DAP3: variants seen among roughly 807,000 people sequenced by gnomAD.
DAP3 encodes small ribosomal subunit protein mS29.
Under a neutral mutation model 51.9 loss-of-function variants are expected in DAP3, and 28 were observed. The observed-to-expected ratio is 0.54, with a 90% CI of 0.40 to 0.74. DAP3 has a LOEUF of 0.74. Ranked by LOEUF, DAP3 falls within the 30% of genes least tolerant of loss-of-function variation. The probability of loss-of-function intolerance (pLI) is 0.00; values close to 1 mark genes in which losing one functional copy is unlikely to be tolerated. For synonymous variants in DAP3, 170 were observed against 170.3 expected (o/e 1.00, Z 0.01); for missense variants, 458 against 483.5 (o/e 0.95, Z 0.49).
At chr1:155,709,390 C>T (rs1340185082) in intron 1 of DAP3, among the ~76,000 whole-genome samples, 5 of 152,166 alleles carry the variant, frequency 3.3e-5, no homozygotes, top group Non-Finnish European at 5.9e-5. Context: ...AAGCAATCCA[C>T]CCACCTCAGC....
rs12754819 is a variant in DAP3 at position 155,725,505 on chromosome 1, C to T, written c.379+15C>T. 2.1e-3 allele frequency: 3,286 copies of T among 1,599,326 alleles called. 8 individuals are homozygous for T. The highest frequency in any genetic ancestry group is 2.3e-3 in the Non-Finnish European group (2,714 of 1,166,594). On this transcript the variant is annotated intron_variant, in intron 5 of 12. Coordinates refer to ENST00000368336, the MANE Select transcript of DAP3 (RefSeq NM_004632.4). ...ATATCTTCTGTGTATCCTTTCCTGC[C>T]TGCGTGGACCCTCATGAACCAATGC... is the stretch of plus-strand genomic sequence containing the variant.
intron 5 of DAP3, 112 bp downstream of exon 5, chr1:155,725,602 C>T (rs1303240797): frequency 4.9e-6 from 5 of 1,014,318 alleles, no homozygotes; most frequent in Non-Finnish European, 7.5e-6. Flanking sequence ...GTAGCTCACA[C>T]CTATAATCCC....
Position 155,731,382 on chromosome 1 carries a change from T to G in DAP3, c.870T>G (p.Val290=), listed in dbSNP as rs1223209483. ...TTGCCCCCGAGGAATTAGCACTTGT[T>G]CACAACTTGAGGAAAATGATGAAAA... is the stretch of plus-strand genomic sequence containing the variant. ...SPIAPEELAL[V]HNLRKMMKND... is the part of the protein sequence containing the mutation. Residue 290 remains valine (V), a synonymous_variant, in exon 10 of 13, where the codon GTT becomes GTG. Coordinates refer to ENST00000368336, the MANE Select transcript of DAP3 (RefSeq NM_004632.4). 6.2e-7 allele frequency: 1 copy of G among 1,614,130 alleles called. No individual in the cohort carries two copies. Among genetic ancestry groups the G allele is most frequent in the Admixed American group, 1.7e-5 (1 of 60,004 alleles).
chr1:155,689,788 T>C (rs1558327065), intron 1 of DAP3, among the ~76,000 whole-genome samples: 1 of 152,108 alleles, frequency 6.6e-6, no homozygotes, highest in Non-Finnish European at 1.5e-5. Flanking sequence ...GGCGGGCGCC[T>C]GTAGCCCCAG....
chr1:155,730,037 C>CAT (rs573739649), intron 9 of DAP3, among the ~76,000 whole-genome samples: 64 of 149,008 alleles, frequency 4.3e-4, no homozygotes, highest in African/African-American at 1.2e-3. Flanking sequence ...CCGAGATCGC[C>CAT]ATATATATAT....
chr1:155,706,520 C>A (rs1206898170), intron 1 of DAP3, among the ~76,000 whole-genome samples: 1 of 151,896 alleles, frequency 6.6e-6, no homozygotes, highest in African/African-American at 2.4e-5. Flanking sequence ...GCCTGTAATC[C>A]CTTTGGGAGG....
rs1031954886 is a variant in DAP3, at chr1:155,691,953, CT to C, written c.-8+2780del. Among the ~76,000 whole-genome samples the C allele has an allele frequency of 3.5e-5, 5 of 141,446 alleles. 1 individual carries two copies. Among genetic ancestry groups the C allele is most frequent in the African/African-American group, 6.4e-5 (2 of 31,028 alleles). 92.8% of individuals were successfully genotyped at this position (141,446 alleles called of 152,430 possible). A position where few individuals can be genotyped will look rare whatever the true frequency, so the allele number is the denominator to read the frequency against. On this transcript the variant is annotated intron_variant, in intron 1 of 12. Transcript: ENST00000368336. Reference sequence around the variant, plus strand: ...CAGGGGGCCAGTTGCAAAATGGAGGCTGCAAAAGGCCCAGAGTTCTGATCTC... The same window carrying C: ...CAGGGGGCCAGTTGCAAAATGGAGGCGCAAAAGGCCCAGAGTTCTGATCTC...
chr1:155,689,126 G>A lies in DAP3; in HGVS notation c.-56G>A, dbSNP rs967629512. ...GACGGGCGCTTTGGAGCCGGCCCCA[G>A]GCAGCGTGTGTCGGTCGCCTAGTCT... On this transcript the variant is annotated 5_prime_UTR_variant, in exon 1 of 13. Transcript: ENST00000368336. The A allele has an allele frequency of 9.7e-6, 10 of 1,029,894 alleles. No homozygotes were observed. Among genetic ancestry groups the A allele is most frequent in the African/African-American group, 7.9e-5 (5 of 62,908 alleles). The allele number at this position is 1,029,894 out of a possible 1,614,324, so 63.8% of individuals were successfully genotyped here.
chr1:155,718,707 GATAGAT>G (rs1657628306), intron 3 of DAP3, among the ~76,000 whole-genome samples: 6 of 79,102 alleles, frequency 7.6e-5, no homozygotes, highest in Admixed American at 6.3e-4. Context: ...AAGAAAGAAA[GATAGAT>G]AGATAGATAG....
upstream of DAP3, chr1:155,688,928 A>C (rs1264843486): frequency 1.2e-6 from 2 of 1,612,206 alleles, no homozygotes; most frequent in Admixed American, 3.3e-5. Flanking sequence ...ATGACAACCT[A>C]CCTCCCTGGG....
chr1:155,736,825 G>A, intron 11 of DAP3, 121 bp from the exon 12 acceptor site: 1 of 826,740 alleles, frequency 1.2e-6, no homozygotes, highest in Non-Finnish European at 2.1e-6. Context: ...GCCAGAGAAT[G>A]AGAAGTAGAG....
At chr1:155,707,122 A>T (rs1656088949) in intron 1 of DAP3, among the ~76,000 whole-genome samples, 1 of 129,078 alleles carries the variant, frequency 7.7e-6, no homozygotes. Flanking sequence ...AACAAAAAAA[A>T]TTTATAATAG....
intron 3 of DAP3, 118 bp downstream of exon 3, chr1:155,717,246 AGTGC>A: frequency 6.8e-7 from 1 of 1,468,790 alleles, no homozygotes. Flanking sequence ...TTACTCAGAT[AGTGC>A]ACCTGAGATA....
chr1:155,721,578 CTG>C lies in DAP3; in HGVS notation c.232_233del (p.Val78IlefsTer18). The C allele has an allele frequency of 6.2e-7, 1 of 1,614,096 alleles. No homozygotes were observed. The highest frequency in any genetic ancestry group is 8.5e-7 in the Non-Finnish European group (1 of 1,180,026). On this transcript the variant is annotated frameshift_variant, in exon 4 of 13. Transcript: ENST00000368336. LOFTEE classifies it high-confidence loss of function. ...AACATCTCCCCCCAGGATTTGGAGA[CTG>C]TATTTCCCCATGGCCTTCCTCCTCG... is the stretch of plus-strand genomic sequence containing the variant.
chr1:155,709,893 G>T, intron 2 of DAP3, 69 bp downstream of exon 2: 1 of 1,473,178 alleles, frequency 6.8e-7, no homozygotes, highest in Non-Finnish European at 9.4e-7. Context: ...GTTTTCAGAT[G>T]GATTCATTGT....
rs796684968 is a variant in DAP3 at position 155,692,995 on chromosome 1, A to G, written c.-8+3821A>G. 1.3e-4 allele frequency among the ~76,000 whole-genome samples: 19 copies of G among 141,818 alleles called. 5 individuals carry two copies. The highest frequency in any genetic ancestry group is 6.1e-4 in the African/African-American group (19 of 31,314). 93.0% of individuals were successfully genotyped at this position (141,818 alleles called of 152,430 possible). ...AGCCACAACAGTAGCTGTGACTGCA[A>G]TAAGGCCCATAATGACTGCTATAAG... On this transcript the variant is annotated intron_variant, in intron 1 of 12. Transcript: ENST00000368336.
At chr1:155,707,437 C>T (rs1345830856) in intron 1 of DAP3, among the ~76,000 whole-genome samples, 1 of 151,642 alleles carries the variant, frequency 6.6e-6, no homozygotes. Context: ...AATTTATAGC[C>T]AAAATGAACT....
upstream of DAP3, chr1:155,688,498 G>A: frequency 6.5e-7 from 1 of 1,548,756 alleles, no homozygotes; most frequent in Non-Finnish European, 8.7e-7. Flanking sequence ...GCGTACGAGT[G>A]TCTACGGGCT....
chr1:155,689,994 G>T (rs1466929032), intron 1 of DAP3, among the ~76,000 whole-genome samples: 1 of 122,180 alleles, frequency 8.2e-6, no homozygotes, highest in Non-Finnish European at 1.5e-5. Context: ...GTATTGCCGT[G>T]TTGTCATTTA....
Sources: allele counts gnomAD v4.1 joint callset (sites outside exome capture counted in the v4.1 genomes callset), GRCh38; gene constraint gnomAD v4.1.1; transcripts MANE v1.5; gene names NCBI Gene and HGNC (gene_info 2026-07-23, HGNC 2026-07-21).